The following ATXN1 variants were observed in gnomAD, a reference collection of about 807,000 sequenced individuals.
The protein encoded by ATXN1 is ataxin-1.
In ATXN1, 8 loss-of-function variants were observed where a neutral mutation model predicts 56.4. The observed-to-expected ratio is 0.14, with a 90% confidence interval of 0.08 to 0.26. The LOEUF is 0.26. Ranked by LOEUF, ATXN1 falls within the 10% of genes least tolerant of loss-of-function variation. The probability of loss-of-function intolerance (pLI) is 1.00; values close to 1 mark genes in which losing one functional copy is unlikely to be tolerated. For missense variants in ATXN1, 987 were observed against 1,106.5 expected (o/e 0.89, Z 1.53); for synonymous variants, 514 against 494.6 (o/e 1.04, Z -0.52).
chr6:16,565,543 T>C (rs1762201963), intron 4 of ATXN1, among the ~76,000 whole-genome samples: 1 of 152,220 alleles, frequency 6.6e-6, no homozygotes, highest in South Asian at 2.1e-4. Context: ...TGACAATTTA[T>C]TCATTTGCAA....
At chr6:16,694,353 T>C (rs986444371) in intron 2 of ATXN1, among the ~76,000 whole-genome samples, 3 of 151,534 alleles carry the variant, frequency 2.0e-5, no homozygotes, top group Admixed American at 1.3e-4. Context: ...CTCCTGGTTC[T>C]AGCAACTCTC....
At chr6:16,732,295 G>A (rs192270199) in intron 2 of ATXN1, among the ~76,000 whole-genome samples, 46 of 152,288 alleles carry the variant, frequency 3.0e-4, no homozygotes, top group Admixed American at 5.2e-4. Flanking sequence ...CTCCGGCCGG[G>A]TGTGGTGGCT....
intron 6 of ATXN1, among the ~76,000 whole-genome samples, chr6:16,481,289 T>G (rs1190932944): frequency 2.0e-5 from 3 of 152,150 alleles, no homozygotes; most frequent in Admixed American, 6.5e-5. Context: ...ATTTTTTTTT[T>G]GTAACGCTGG....
chr6:16,594,650 T>G (rs1164025696), intron 3 of ATXN1, among the ~76,000 whole-genome samples: 2 of 152,074 alleles, frequency 1.3e-5, no homozygotes, highest in Non-Finnish European at 2.9e-5. Context: ...CCCCACCTAA[T>G]TTTTGTATTT....
chr6:16,468,898 G>GAAA (rs879854928), intron 6 of ATXN1, among the ~76,000 whole-genome samples: 5 of 139,298 alleles, frequency 3.6e-5, no homozygotes, highest in Non-Finnish European at 7.8e-5. Context: ...AATAGAAGCA[G>GAAA]AAAAAAAAAA....
At chr6:16,335,611 G>C (rs1316042711) in intron 6 of ATXN1, among the ~76,000 whole-genome samples, 3 of 152,186 alleles carry the variant, frequency 2.0e-5, no homozygotes, top group South Asian at 2.1e-4. Flanking sequence ...GGGTTGAATG[G>C]TAGATCCCTA....
At chr6:16,732,776 A>AT (rs1300298826) in intron 2 of ATXN1, among the ~76,000 whole-genome samples, 1 of 152,234 alleles carries the variant, frequency 6.6e-6, no homozygotes, top group African/African-American at 2.4e-5. Flanking sequence ...GTATGCCCTT[A>AT]TTAAGTACTT....
At chr6:16,543,008 G>T (rs893034123) in intron 4 of ATXN1, among the ~76,000 whole-genome samples, 2 of 152,098 alleles carry the variant, frequency 1.3e-5, no homozygotes, top group East Asian at 1.9e-4. Context: ...ACCGAAGATG[G>T]GGGGTGGGGG....
intron 3 of ATXN1, among the ~76,000 whole-genome samples, 181 bp downstream of exon 3, chr6:16,657,595 A>G (rs1758232532): frequency 6.6e-6 from 1 of 152,260 alleles, no homozygotes; most frequent in Admixed American, 6.5e-5. Context: ...AAACAAACAC[A>G]TAAAGTAAAT....
At chr6:16,431,697 C>G (rs1374447661) in intron 6 of ATXN1, among the ~76,000 whole-genome samples, 4 of 152,180 alleles carry the variant, frequency 2.6e-5, no homozygotes, top group Non-Finnish European at 5.9e-5. Context: ...GGGCAAGAAA[C>G]TAAGGCAGGG....
chr6:16,591,369 C>T (rs1762719689), intron 3 of ATXN1, among the ~76,000 whole-genome samples: 1 of 152,138 alleles, frequency 6.6e-6, no homozygotes, highest in African/African-American at 2.4e-5. Context: ...TTCTTTGCAA[C>T]ATAATTAAAA....
At chr6:16,581,392 A>G (rs1420184188) in intron 4 of ATXN1, among the ~76,000 whole-genome samples, 1 of 152,096 alleles carries the variant, frequency 6.6e-6, no homozygotes, top group East Asian at 1.9e-4. Context: ...GGAGGGATAC[A>G]ATAGAGAAAA....
At chr6:16,351,665 A>G (rs1761570394) in intron 6 of ATXN1, among the ~76,000 whole-genome samples, 1 of 152,092 alleles carries the variant, frequency 6.6e-6, no homozygotes, top group African/African-American at 2.4e-5. Context: ...AGCCTCCCAA[A>G]GTGTTGGGAT....
chr6:16,445,981 C>T lies in ATXN1; in HGVS notation c.-161+39991G>A, dbSNP rs552724124. Among the ~76,000 whole-genome samples the T allele has an allele frequency of 7.2e-5, 11 of 152,240 alleles. No homozygotes were observed. In the South Asian group the frequency reaches 2.3e-3, roughly 32 times the overall value. The stretch of plus-strand genomic sequence containing the variant: ...CTATTGTGAATAGTGCCGCCATAAA[C>T]ATACATGTGCATGTGTCTTTATTGC... On this transcript the variant is annotated intron_variant, in intron 6 of 7. Coordinates refer to ENST00000436367, the MANE Select transcript of ATXN1 (RefSeq NM_001128164.2).
chr6:16,524,418 G>T (rs944835301), intron 4 of ATXN1, among the ~76,000 whole-genome samples: 3 of 152,120 alleles, frequency 2.0e-5, no homozygotes, highest in Non-Finnish European at 4.4e-5. Flanking sequence ...CCACTCACAC[G>T]CATTGACCTT....
intron 4 of ATXN1, among the ~76,000 whole-genome samples, chr6:16,539,092 C>A (rs1761662848): frequency 6.6e-6 from 1 of 152,200 alleles, no homozygotes; most frequent in African/African-American, 2.4e-5. Flanking sequence ...CATTCCCATG[C>A]AGAAAGGACC....
At chr6:16,413,906 C>T (rs145845531) in intron 6 of ATXN1, among the ~76,000 whole-genome samples, 8 of 152,274 alleles carry the variant, frequency 5.3e-5, no homozygotes, top group Admixed American at 1.3e-4. Context: ...AGTTACTTTA[C>T]ATTCCTATAA....
intron 6 of ATXN1, among the ~76,000 whole-genome samples, chr6:16,471,715 CAGAA>C (rs1169810234): frequency 8.4e-6 from 1 of 118,566 alleles, no homozygotes; most frequent in Non-Finnish European, 2.0e-5. Flanking sequence ...GTGTGTGAGA[CAGAA>C]AGAGAGAGAG....
At chr6:16,525,023 G>C (rs1222487720) in intron 4 of ATXN1, among the ~76,000 whole-genome samples, 1 of 152,156 alleles carries the variant, frequency 6.6e-6, no homozygotes, top group Non-Finnish European at 1.5e-5. Flanking sequence ...CTGTACTCCA[G>C]CCTGGGCAAC....
Sources: allele counts gnomAD v4.1 joint callset (sites outside exome capture counted in the v4.1 genomes callset), GRCh38; gene constraint gnomAD v4.1.1; transcripts MANE v1.5; gene names NCBI Gene and HGNC (gene_info 2026-07-23, HGNC 2026-07-21).